The following REDIC1 variants were observed in gnomAD, a reference collection of about 807,000 sequenced individuals.
REDIC1 encodes HEI10 Interacting Protein 1.
chr12:39,795,348 T>G, the REDIC1 span, among the ~76,000 whole-genome samples: 1 of 152,182 alleles, frequency 6.6e-6, no homozygotes, highest in Admixed American at 6.6e-5. Context: ...TATCATATAT[T>G]TCTTTTCTAG....
At chr12:39,821,810 C>G in the REDIC1 span, among the ~76,000 whole-genome samples, 2 of 152,148 alleles carry the variant, frequency 1.3e-5, no homozygotes, top group African/African-American at 2.4e-5. Flanking sequence ...CAGGGAAATA[C>G]AATCCTTCCC....
the REDIC1 span, chr12:39,716,945 G>A: frequency 4.5e-6 from 3 of 660,512 alleles, no homozygotes; most frequent in Non-Finnish European, 6.6e-6. Flanking sequence ...TTAAATAGTG[G>A]AAGTAAAAAT....
At chr12:39,634,836 G>A in the REDIC1 span, among the ~76,000 whole-genome samples, 11 of 152,076 alleles carry the variant, frequency 7.2e-5, no homozygotes, top group Non-Finnish European at 1.5e-4. Flanking sequence ...ACTGTCAGCA[G>A]TGTAAAACAG....
the REDIC1 span, among the ~76,000 whole-genome samples, chr12:39,793,347 C>T: frequency 1.3e-5 from 2 of 152,008 alleles, no homozygotes; most frequent in Admixed American, 1.3e-4. Flanking sequence ...TAAATAAATG[C>T]AGAGATGTAC....
At chr12:39,759,629 C>T in the REDIC1 span, 1 of 164,360 alleles carries the variant, frequency 6.1e-6, no homozygotes, top group South Asian at 1.7e-4. Context: ...GACCATCTCC[C>T]AGAATCCTTT....
the REDIC1 span, among the ~76,000 whole-genome samples, chr12:39,693,457 A>G: frequency 2.0e-5 from 3 of 149,434 alleles, no homozygotes; most frequent in South Asian, 6.3e-4. Context: ...ATTCCAGTCC[A>G]TTTTTAAAAA....
the REDIC1 span, among the ~76,000 whole-genome samples, chr12:39,812,337 T>TTTTCTTTTCTTTTCTTTTCTTTTC: frequency 7.4e-6 from 1 of 135,188 alleles, no homozygotes; most frequent in African/African-American, 3.0e-5. Flanking sequence ...ACTAATTTCT[T>TTTTCTTTTCTTTTCTTTTCTTTTC]TTTTCTTTTC....
the REDIC1 span, among the ~76,000 whole-genome samples, chr12:39,713,314 A>G: frequency 6.9e-6 from 1 of 145,310 alleles, no homozygotes; most frequent in South Asian, 2.1e-4. Context: ...ACATACGTGT[A>G]TATATGTGTA....
the REDIC1 span, among the ~76,000 whole-genome samples, chr12:39,644,896 G>A: frequency 2.6e-5 from 4 of 151,920 alleles, no homozygotes; most frequent in African/African-American, 9.7e-5. Context: ...AGAAATTTAA[G>A]ATCTTAAGAT....
chr12:39,694,797 C>T, the REDIC1 span, among the ~76,000 whole-genome samples: 1 of 152,234 alleles, frequency 6.6e-6, no homozygotes, highest in South Asian at 2.1e-4. Flanking sequence ...AATCACCCCT[C>T]CCGTAACCCA....
the REDIC1 span, among the ~76,000 whole-genome samples, chr12:39,671,072 A>T: frequency 2.6e-5 from 4 of 152,122 alleles, no homozygotes; most frequent in African/African-American, 9.7e-5. Context: ...TGGAGAATTA[A>T]TGTGTTCTTT....
At chr12:39,675,111 T>G in the REDIC1 span, among the ~76,000 whole-genome samples, 3 of 152,072 alleles carry the variant, frequency 2.0e-5, no homozygotes, top group African/African-American at 7.2e-5. Flanking sequence ...TGAGACAGGC[T>G]TTACTTGCTG....
At chr12:39,721,191 G>T in the REDIC1 span, 143 of 1,613,570 alleles carry the variant, frequency 8.9e-5, no homozygotes, top group East Asian at 1.8e-3. Flanking sequence ...ACCTTGAAAG[G>T]TGCAGTGGAA....
chr12:39,694,854 A>C, the REDIC1 span, among the ~76,000 whole-genome samples: 2 of 152,118 alleles, frequency 1.3e-5, no homozygotes, highest in African/African-American at 4.8e-5. Context: ...CCTCTGCTTG[A>C]GGAGAGGAGA....
chr12:39,687,781 A>G, the REDIC1 span, among the ~76,000 whole-genome samples: 1 of 152,228 alleles, frequency 6.6e-6, no homozygotes, highest in Non-Finnish European at 1.5e-5. Context: ...AACACTGCTT[A>G]TGTAATGTTA....
At chr12:39,874,450 T>G in the REDIC1 span, among the ~76,000 whole-genome samples, 8 of 151,672 alleles carry the variant, frequency 5.3e-5, no homozygotes, top group Non-Finnish European at 1.2e-4. Context: ...CCCATCTCTA[T>G]TAAAAATACA....
the REDIC1 span, among the ~76,000 whole-genome samples, chr12:39,715,604 A>T: frequency 6.6e-6 from 1 of 152,028 alleles, no homozygotes; most frequent in Admixed American, 6.6e-5. Flanking sequence ...ACCGAAAAAG[A>T]GCCCACATAG....
At chr12:39,676,013 G>A in the REDIC1 span, among the ~76,000 whole-genome samples, 3 of 152,114 alleles carry the variant, frequency 2.0e-5, no homozygotes, top group Non-Finnish European at 4.4e-5. Context: ...AACCAGAAAA[G>A]TAATTCTGGT....
the REDIC1 span, among the ~76,000 whole-genome samples, chr12:39,672,834 G>A: frequency 6.6e-6 from 1 of 152,102 alleles, no homozygotes; most frequent in Non-Finnish European, 1.5e-5. Context: ...TGGGCCCTGG[G>A]GCAGGATACC....
Sources: gnomAD v4.1 joint callset for allele counts (sites outside exome capture counted in the v4.1 genomes callset) on GRCh38, gnomAD v4.1.1 for gene constraint, MANE v1.5 for transcripts, NCBI Gene and HGNC (gene_info 2026-07-23, HGNC 2026-07-21) for gene names.